MAP4K5: variants seen among roughly 807,000 people sequenced by gnomAD.
The protein encoded by MAP4K5 is mitogen-activated protein kinase kinase kinase kinase 5.
In MAP4K5, 82 loss-of-function variants were observed where a neutral mutation model predicts 135.6. The observed-to-expected ratio is 0.60, with a 90% CI of 0.51 to 0.73. The LOEUF is 0.73. Ranked by LOEUF, MAP4K5 falls within the 30% of genes least tolerant of loss-of-function variation. MAP4K5 has a pLI of 0.00. For synonymous variants in MAP4K5, 347 were observed against 335.0 expected (o/e 1.04, Z -0.39); for missense variants, 907 against 1,010.9 (o/e 0.90, Z 1.39).
intron 1 of MAP4K5, among the ~76,000 whole-genome samples, chr14:50,546,995 AC>A (rs962084868): frequency 6.6e-6 from 1 of 150,996 alleles, no homozygotes; most frequent in African/African-American, 2.4e-5. Context: ...CTAGCCCCCC[AC>A]CCCCCAACAG....
chr14:50,429,907 A>AT (rs1341403762), intron 28 of MAP4K5, among the ~76,000 whole-genome samples: 1 of 152,158 alleles, frequency 6.6e-6, no homozygotes, highest in East Asian at 1.9e-4. Context: ...AACATTAAAA[A>AT]TTTTTTTGAT....
intron 28 of MAP4K5, among the ~76,000 whole-genome samples, chr14:50,431,716 T>C (rs2139655849): frequency 6.6e-6 from 1 of 151,872 alleles, no homozygotes; most frequent in Admixed American, 6.6e-5. Context: ...TAAACATACA[T>C]GTGCATGTGT....
chr14:50,448,800 T>C lies in MAP4K5; in HGVS notation c.1048A>G (p.Lys350Glu). The C allele has an allele frequency of 6.4e-7, 1 of 1,568,002 alleles. No homozygotes were observed. Among genetic ancestry groups the C allele is most frequent in the Non-Finnish European group, 8.7e-7 (1 of 1,151,522 alleles). ...ATTTCATCTCGTGCTTCTGTTTCTT[T>C]TCTCAGAGGAGGTTCAAATTGTAAT... is the stretch of plus-strand genomic sequence containing the variant. ...DKLQFEPPLRKETEARDEMGL... is the reference protein window; with the variant it reads ...DKLQFEPPLREETEARDEMGL... The change falls in exon 15 of 33, where the codon AAA becomes GAA. Residue 350 changes from lysine to glutamate, a missense_variant. By Grantham distance (56) the Lys-to-Glu change is moderately conservative (BLOSUM62 1). Transcript: ENST00000682126.
chr14:50,527,402 C>G (rs983396484), intron 2 of MAP4K5, among the ~76,000 whole-genome samples: 1 of 147,754 alleles, frequency 6.8e-6, no homozygotes, highest in African/African-American at 2.6e-5. Context: ...AGAGCAAGAC[C>G]CTGTCATCCA....
intron 1 of MAP4K5, among the ~76,000 whole-genome samples, chr14:50,554,970 T>C (rs1010167554): frequency 6.6e-6 from 1 of 152,254 alleles, no homozygotes; most frequent in Non-Finnish European, 1.5e-5. Context: ...TATTTTCCAA[T>C]GTCTATTTCC....
chr14:50,546,879 G>A (rs892180167), intron 1 of MAP4K5, among the ~76,000 whole-genome samples: 1 of 152,034 alleles, frequency 6.6e-6, no homozygotes, highest in African/African-American at 2.4e-5. Flanking sequence ...GGGTACATGT[G>A]CGGAACATGC....
At chr14:50,450,569 A>C (rs538548230) in intron 14 of MAP4K5, 1 of 152,228 alleles carries the variant, frequency 6.6e-6, no homozygotes, top group Admixed American at 6.5e-5. Flanking sequence ...CACAGTCCCA[A>C]AAATAAGCTG....
intron 9 of MAP4K5, among the ~76,000 whole-genome samples, chr14:50,470,318 T>C (rs925040905): frequency 6.6e-6 from 1 of 152,056 alleles, no homozygotes; most frequent in Non-Finnish European, 1.5e-5. Flanking sequence ...AAGGGTATCT[T>C]AGGGAAGAGT....
At chr14:50,429,944 T>C (rs185145126) in intron 28 of MAP4K5, among the ~76,000 whole-genome samples, 17 of 152,282 alleles carry the variant, frequency 1.1e-4, no homozygotes, top group Admixed American at 8.5e-4. Context: ...AGCACTCAGA[T>C]TGTTTCAATG....
intron 1 of MAP4K5, among the ~76,000 whole-genome samples, chr14:50,555,706 T>C (rs1013935226): frequency 1.2e-4 from 19 of 152,256 alleles, no homozygotes; most frequent in African/African-American, 3.9e-4. Flanking sequence ...TAGCCAAAGC[T>C]ATATCCTAAC....
chr14:50,438,575 G>A lies in MAP4K5; in HGVS notation c.1706-481C>T, dbSNP rs145430950. On this transcript the variant is annotated intron_variant, in intron 23 of 32. Coordinates refer to ENST00000682126, the MANE Select transcript of MAP4K5 (RefSeq NM_006575.6). ...ATTCCATATAATAAAAAATATGGCT[G>A]TATTAAGTAAGAGGGATGGATATGG... is the stretch of plus-strand genomic sequence containing the variant. Among the ~76,000 whole-genome samples the A allele has an allele frequency of 1.1e-4, 17 of 152,174 alleles. No individual in the cohort carries two copies. In the East Asian group the frequency reaches 3.3e-3, roughly 29 times the overall value.
intron 2 of MAP4K5, among the ~76,000 whole-genome samples, chr14:50,511,793 G>C (rs937875924): frequency 3.9e-5 from 6 of 152,088 alleles, no homozygotes; most frequent in African/African-American, 1.4e-4. Context: ...GCCAGTCTAA[G>C]AAGGCTTACA....
intron 14 of MAP4K5, chr14:50,449,087 A>C (rs1337792339): frequency 5.3e-6 from 2 of 374,644 alleles, no homozygotes; most frequent in Non-Finnish European, 9.4e-6. Flanking sequence ...TTTTTGTATA[A>C]AAGAGATTTT....
intron 6 of MAP4K5, among the ~76,000 whole-genome samples, chr14:50,481,424 A>G (rs1185939048): frequency 1.3e-5 from 2 of 151,912 alleles, no homozygotes; most frequent in African/African-American, 4.8e-5. Flanking sequence ...CTTTTTCCTG[A>G]TCAGCCAAAT....
At chr14:50,515,112 C>G (rs1163584993) in intron 2 of MAP4K5, among the ~76,000 whole-genome samples, 1 of 152,070 alleles carries the variant, frequency 6.6e-6, no homozygotes, top group Non-Finnish European at 1.5e-5. Flanking sequence ...CCATGTTGGC[C>G]AGGATGGTCT....
intron 1 of MAP4K5, among the ~76,000 whole-genome samples, chr14:50,547,721 G>A (rs1205283413): frequency 2.6e-5 from 4 of 152,250 alleles, no homozygotes; most frequent in African/African-American, 4.8e-5. Flanking sequence ...ATCTGCTGCC[G>A]TACCCAATAT....
chr14:50,498,566 G>A (rs2037642283), intron 3 of MAP4K5, among the ~76,000 whole-genome samples: 1 of 151,994 alleles, frequency 6.6e-6, no homozygotes, highest in South Asian at 2.1e-4. Flanking sequence ...TTGACTATTA[G>A]GAAGACCTTC....
At chr14:50,420,199 C>T in intron 32 of MAP4K5, 93 bp from the exon 33 acceptor site, 1 of 751,722 alleles carries the variant, frequency 1.3e-6, no homozygotes, top group Admixed American at 2.0e-5. Context: ...TCATTGTTCA[C>T]ATTTCAGTAA....
intron 2 of MAP4K5, among the ~76,000 whole-genome samples, chr14:50,542,298 T>TGGGGGGGGGGGGGGGGG (rs2038575088): frequency 1.3e-5 from 1 of 78,068 alleles, no homozygotes; most frequent in Non-Finnish European, 2.5e-5. Context: ...GGGGAGGGGG[T>TGGGGGGGGGGGGGGGGG]TGGGGGCAAG....
Sources: gnomAD v4.1 joint callset for allele counts (sites outside exome capture counted in the v4.1 genomes callset) on GRCh38, gnomAD v4.1.1 for gene constraint, MANE v1.5 for transcripts, NCBI Gene and HGNC (gene_info 2026-07-23, HGNC 2026-07-21) for gene names.